The following MRAP2 variants were observed in gnomAD, a reference collection of about 807,000 sequenced individuals.
MRAP2 encodes melanocortin 2 receptor accessory protein 2, also known as melanocortin-2 receptor accessory protein 2.
MRAP2 carries 20 observed loss-of-function variants against 17.4 expected under a neutral mutation model. The observed-to-expected ratio is 1.15, with a 90% confidence interval of 0.81 to 1.67. MRAP2 has a LOEUF of 1.67. MRAP2 is among the 40% of genes most tolerant of loss of function. The pLI is 0.00. For missense variants in MRAP2, 238 were observed against 240.0 expected (o/e 0.99, Z 0.05); for synonymous variants, 96 against 88.4 (o/e 1.09, Z -0.48).
chr6:84,115,809 A>G, the MRAP2 span, among the ~76,000 whole-genome samples: 2 of 152,066 alleles, frequency 1.3e-5, no homozygotes, highest in Non-Finnish European at 2.9e-5. Context: ...ACAGTCCTTC[A>G]TGGCTTCCCT....
intron 3 of MRAP2, among the ~76,000 whole-genome samples, chr6:84,077,425 A>G (rs2099497895): frequency 6.6e-5 from 10 of 152,174 alleles, no homozygotes; most frequent in Admixed American, 6.5e-4. Context: ...AGACTGTAGG[A>G]TTAGCAAGGG....
Position 84,068,926 on chromosome 6 carries a change from C to G in MRAP2, c.227+5934C>G, listed in dbSNP as rs540489502. ...TCAGGCAATCCACCCACCTCAGCCT[C>G]CCAAAGTGCTAGGATTATAGGCATG... On this transcript the variant is annotated intron_variant, in intron 3 of 3. Coordinates refer to ENST00000257776, the MANE Select transcript of MRAP2 (RefSeq NM_138409.4). Among the ~76,000 whole-genome samples, 38 of 151,690 alleles carry G rather than the reference C, an allele frequency of 2.5e-4. 1 individual carries two copies. Among genetic ancestry groups the G allele is most frequent in the African/African-American group, 7.3e-4 (30 of 41,314 alleles).
chr6:84,123,148 T>C, the MRAP2 span, among the ~76,000 whole-genome samples: 2 of 151,922 alleles, frequency 1.3e-5, no homozygotes, highest in African/African-American at 4.8e-5. Context: ...AATGACCATA[T>C]TGCCCAAAGC....
chr6:84,133,647 C>T, the MRAP2 span, among the ~76,000 whole-genome samples: 1 of 152,178 alleles, frequency 6.6e-6, no homozygotes, highest in Non-Finnish European at 1.5e-5. Flanking sequence ...GCTCTGTGGG[C>T]ATTGGACCCT....
chr6:84,093,898 CTTTTGCTGATTGGCTGGAAGT>C (rs2099502211), downstream of MRAP2, among the ~76,000 whole-genome samples: 1 of 152,206 alleles, frequency 6.6e-6, no homozygotes, highest in Non-Finnish European at 1.5e-5. Flanking sequence ...CTTGGATCTT[CTTTTGCTGATTGGCTGGAAGT>C]TAGGTAAGCT....
chr6:84,140,711 G>A, the MRAP2 span, among the ~76,000 whole-genome samples: 1 of 152,086 alleles, frequency 6.6e-6, no homozygotes, highest in South Asian at 2.1e-4. Context: ...TTTTTATAGA[G>A]ATGATGTCTC....
At chr6:84,084,385 T>G (rs1379534738) in intron 3 of MRAP2, among the ~76,000 whole-genome samples, 3 of 152,156 alleles carry the variant, frequency 2.0e-5, no homozygotes, top group African/African-American at 7.2e-5. Context: ...ACTTGTTTGA[T>G]CTGAGAGGCT....
the MRAP2 span, among the ~76,000 whole-genome samples, chr6:84,112,834 A>G: frequency 6.6e-6 from 1 of 152,036 alleles, no homozygotes; most frequent in Non-Finnish European, 1.5e-5. Flanking sequence ...TAACATCTTT[A>G]TTTCTGCCTT....
the MRAP2 span, among the ~76,000 whole-genome samples, chr6:84,099,075 A>T: frequency 1.1e-4 from 17 of 151,224 alleles, no homozygotes; most frequent in African/African-American, 4.1e-4. Context: ...GAAGTTCTAT[A>T]GTTTCAGATT....
At chr6:84,038,940 C>T (rs1369716223) in intron 1 of MRAP2, among the ~76,000 whole-genome samples, 1 of 152,170 alleles carries the variant, frequency 6.6e-6, no homozygotes, top group African/African-American at 2.4e-5. Flanking sequence ...TGAGCAGGCC[C>T]CACAAGTTGT....
chr6:84,083,632 A>G (rs1588659968), intron 3 of MRAP2, among the ~76,000 whole-genome samples: 1 of 152,252 alleles, frequency 6.6e-6, no homozygotes, highest in South Asian at 2.1e-4. Context: ...AGACCTCTCT[A>G]TTTTTATTTT....
chr6:84,118,177 G>A, the MRAP2 span, among the ~76,000 whole-genome samples: 3 of 152,200 alleles, frequency 2.0e-5, no homozygotes, highest in African/African-American at 7.2e-5. Flanking sequence ...GTAGAACATG[G>A]GTGGGGGTGG....
intron 1 of MRAP2, among the ~76,000 whole-genome samples, chr6:84,041,217 T>C (rs532691163): frequency 6.6e-6 from 1 of 152,352 alleles, no homozygotes; most frequent in Admixed American, 6.5e-5. Context: ...AGCTTCCATT[T>C]GGTGTTGAGC....
chr6:84,141,754 C>T, the MRAP2 span, among the ~76,000 whole-genome samples: 457 of 152,306 alleles, frequency 3.0e-3, 2 homozygotes, highest in African/African-American at 0.01. Context: ...GGCAGCCAGG[C>T]TGGCTTTGCT....
the MRAP2 span, among the ~76,000 whole-genome samples, chr6:84,127,204 C>T: frequency 6.6e-6 from 1 of 151,920 alleles, no homozygotes; most frequent in African/African-American, 2.4e-5. Flanking sequence ...AAAAGAAATT[C>T]CAACAAGAAT....
Position 84,053,074 on chromosome 6 carries a change from A to T in MRAP2, c.-7-2238A>T, listed in dbSNP as rs182553363. Among the ~76,000 whole-genome samples the T allele has an allele frequency of 1.4e-3, 220 of 152,218 alleles. 2 individuals are homozygous for T. Among genetic ancestry groups the T allele is most frequent in the African/African-American group, 5.1e-3 (212 of 41,538 alleles). ...GCTGCTTTCTGACTGGTCTTGTGGAACCTGGTAGCCACAAATGGGGGTCCC... is the reference window on the plus strand; with the variant it reads ...GCTGCTTTCTGACTGGTCTTGTGGATCCTGGTAGCCACAAATGGGGGTCCC... On this transcript the variant is annotated intron_variant, in intron 1 of 3. Coordinates refer to ENST00000257776, the MANE Select transcript of MRAP2 (RefSeq NM_138409.4).
the MRAP2 span, among the ~76,000 whole-genome samples, chr6:84,119,021 A>G: frequency 3.6e-4 from 55 of 152,286 alleles, no homozygotes; most frequent in Non-Finnish European, 5.4e-4. Flanking sequence ...TTTGGACACT[A>G]TATCTGGTCT....
At chr6:84,127,553 G>A in the MRAP2 span, among the ~76,000 whole-genome samples, 1 of 152,052 alleles carries the variant, frequency 6.6e-6, no homozygotes, top group Non-Finnish European at 1.5e-5. Flanking sequence ...AAAACTGTAT[G>A]TGTTAAAATA....
chr6:84,056,934 A>G (rs529821583), intron 2 of MRAP2, among the ~76,000 whole-genome samples: 1 of 152,258 alleles, frequency 6.6e-6, no homozygotes, highest in African/African-American at 2.4e-5. Flanking sequence ...CATGAGAAAC[A>G]TAGGCAGAGG....
Sources: allele counts gnomAD v4.1 joint callset (sites outside exome capture counted in the v4.1 genomes callset), GRCh38; gene constraint gnomAD v4.1.1; transcripts MANE v1.5; gene names NCBI Gene and HGNC (gene_info 2026-07-23, HGNC 2026-07-21).